Variants in GYG1 observed in about 807,000 individuals in gnomAD.
GYG1 encodes glycogenin 1.
A neutral mutation model predicts 41.9 loss-of-function variants in GYG1; 44 were observed. The ratio of observed to expected loss-of-function variants is 1.05; its 90% CI spans 0.83 to 1.35. GYG1 has a LOEUF of 1.35. GYG1 is among the 40% of genes most tolerant of loss of function. GYG1 has a pLI of 0.00. For missense variants in GYG1, 429 were observed against 418.9 expected, an observed-to-expected ratio of 1.02 and a Z score of -0.21; for synonymous variants, 141 against 158.1, an observed-to-expected ratio of 0.89 and a Z score of 0.81.
intron 5 of GYG1, among the ~76,000 whole-genome samples, chr3:149,022,728 T>TC (rs760592853): frequency 1.3e-5 from 2 of 151,852 alleles, no homozygotes; most frequent in African/African-American, 4.8e-5. Context: ...TCTCCTGACC[T>TC]CGTGATTTGC....
chr3:148,995,438 G>A (rs775001156), intron 2 of GYG1, among the ~76,000 whole-genome samples: 8 of 152,058 alleles, frequency 5.3e-5, no homozygotes, highest in African/African-American at 1.2e-4. Context: ...GTATACATAC[G>A]TATATCTTTC....
chr3:149,003,275 G>A (rs769281035), intron 4 of GYG1, among the ~76,000 whole-genome samples: 62 of 151,798 alleles, frequency 4.1e-4, no homozygotes, highest in Non-Finnish European at 7.7e-4. Flanking sequence ...GCCACCATGC[G>A]CAGCTAATTT....
At position 149,003,808 on chromosome 3, in the gene GYG1, C is replaced by T. The variant is rs200354383; in HGVS notation, c.482-5468C>T. The T allele has an allele frequency of 2.6e-5, 4 of 152,348 alleles. No individual in the cohort carries two copies. The East Asian group carries it at 5.8e-4, about 22-fold the overall frequency. The allele number at this position is 152,348 out of a possible 1,614,324, so 9.4% of individuals were successfully genotyped here. A position where few individuals can be genotyped will look rare whatever the true frequency, so the allele number is the denominator to read the frequency against. ...TTGGCTGAGATGCTGGGGCTCATGTCTAAACCAGAATTAACTCACTGCCCT... is the reference window on the plus strand; with the variant it reads ...TTGGCTGAGATGCTGGGGCTCATGTTTAAACCAGAATTAACTCACTGCCCT... On this transcript the variant is annotated intron_variant, in intron 4 of 7. Coordinates refer to ENST00000345003, the MANE Select transcript of GYG1 (RefSeq NM_004130.4).
At chr3:149,002,008 C>G (rs1439591560) in intron 4 of GYG1, among the ~76,000 whole-genome samples, 1 of 152,114 alleles carries the variant, frequency 6.6e-6, no homozygotes, top group Non-Finnish European at 1.5e-5. Flanking sequence ...CTGTTCCTCC[C>G]CTCTGATCCA....
Position 149,028,151 on chromosome 3 carries a change from A to G in GYG1, c.*1218A>G, listed in dbSNP as rs1218734781. Among the ~76,000 whole-genome samples, 4 of 152,194 alleles carry G rather than the reference A, an allele frequency of 2.6e-5. No homozygotes were observed. Among genetic ancestry groups the G allele is most frequent in the Non-Finnish European group, 5.9e-5 (4 of 68,042 alleles). ...AACAGGACAGTTAACCATGACAGGA[A>G]GAAACTTTAGAGGTTTGATTGGGCA... On this transcript the variant is annotated 3_prime_UTR_variant, in exon 8 of 8. Transcript: ENST00000345003.
intron 5 of GYG1, among the ~76,000 whole-genome samples, chr3:149,022,405 G>A (rs1387098841): frequency 6.6e-6 from 1 of 151,268 alleles, no homozygotes; most frequent in Non-Finnish European, 1.5e-5. Context: ...CCCAATCATA[G>A]CTTCGCCTTT....
intron 5 of GYG1, among the ~76,000 whole-genome samples, chr3:149,013,782 C>T (rs375485627): frequency 2.7e-4 from 41 of 152,046 alleles, no homozygotes; most frequent in African/African-American, 8.7e-4. Context: ...TATTTTTCTT[C>T]GCTCCCTGAG....
In GYG1 at chr3:149,030,639, C is replaced by A. The variant is rs926295279; in HGVS notation, c.*3706C>A. On this transcript the variant is annotated 3_prime_UTR_variant, in exon 8 of 8. Transcript: ENST00000345003. ...TCAACTTGATTTTTTGTGTGTAATG[C>A]TTGATCTACCAGGTAACTTCCCAAC... 1.3e-5 allele frequency: 2 copies of A among 152,142 alleles called. No individual in the cohort carries two copies. Among genetic ancestry groups the A allele is most frequent in the Non-Finnish European group, 2.9e-5 (2 of 68,012 alleles). 9.4% of individuals were successfully genotyped at this position (152,142 alleles called of 1,614,324 possible). A position where few individuals can be genotyped will look rare whatever the true frequency, so the allele number is the denominator to read the frequency against.
chr3:149,024,239 C>A lies in GYG1; in HGVS notation c.795C>A (p.Gly265=). The stretch of plus-strand genomic sequence containing the variant: ...TTTTACCTCTGCTTCAACAATTTGG[C>A]CTTGTCAAAGACACCTGCTCATATG... ...TNVLPLLQQF[G]LVKDTCSYVN... The change falls in exon 6 of 8, where the codon GGC becomes GGA. Residue 265 remains glycine, a synonymous_variant. Coordinates refer to ENST00000345003, the MANE Select transcript of GYG1 (RefSeq NM_004130.4). 4.3e-6 allele frequency: 7 copies of A among 1,612,590 alleles called. No homozygotes were observed. Among genetic ancestry groups the A allele is most frequent in the Non-Finnish European group, 5.9e-6 (7 of 1,178,590 alleles).
In GYG1 at chr3:149,027,307, G is replaced by A. The variant is rs1356955842; in HGVS notation, c.*374G>A. ...GAAGCAGACATGGCATCTGTTCCTT[G>A]CTTGCTTGTTGGTTGTGTACCTTTC... is the stretch of plus-strand genomic sequence containing the variant. On this transcript the variant is annotated 3_prime_UTR_variant, in exon 8 of 8. Coordinates refer to ENST00000345003, the MANE Select transcript of GYG1 (RefSeq NM_004130.4). 1.4e-5 allele frequency: 4 copies of A among 282,472 alleles called. No homozygotes were observed. Among genetic ancestry groups the A allele is most frequent in the Non-Finnish European group, 2.1e-5 (3 of 146,084 alleles). The allele number at this position is 282,472 out of a possible 1,614,324, so 17.5% of individuals were successfully genotyped here.
At chr3:149,018,661 TGACTTATCCAG>T (rs1036705497) in intron 5 of GYG1, among the ~76,000 whole-genome samples, 69 of 152,168 alleles carry the variant, frequency 4.5e-4, no homozygotes, top group Non-Finnish European at 7.8e-4. Context: ...CCGTGTTCAG[TGACTTATCCAG>T]GCCTGCTCTT....
intron 4 of GYG1, among the ~76,000 whole-genome samples, chr3:149,005,601 C>G (rs1429825164): frequency 6.6e-6 from 1 of 151,994 alleles, no homozygotes; most frequent in Non-Finnish European, 1.5e-5. Context: ...CTTCAAGATT[C>G]TTGCATTCAT....
intron 4 of GYG1, among the ~76,000 whole-genome samples, chr3:148,999,406 T>A (rs988288175): frequency 3.9e-5 from 6 of 152,236 alleles, no homozygotes; most frequent in African/African-American, 1.4e-4. Flanking sequence ...GTTCTCAATA[T>A]GTTGTTTAAA....
Position 149,031,609 on chromosome 3 carries a change from A to G in GYG1, c.*4676A>G, listed in dbSNP as rs1002309233. 5 of 152,314 alleles carry G rather than the reference A, an allele frequency of 3.3e-5. No individual in the cohort carries two copies. The highest frequency in any genetic ancestry group is 1.2e-4 in the African/African-American group (5 of 41,414). 9.4% of individuals were successfully genotyped at this position (152,314 alleles called of 1,614,324 possible). On this transcript the variant is annotated 3_prime_UTR_variant, in exon 8 of 8. Transcript: ENST00000345003. The stretch of plus-strand genomic sequence containing the variant: ...AAATAGTACTCTTAACATAATCCCT[A>G]ATTTTTTCATGAACATAAAACTCCA...
rs71617496 is a variant in GYG1 at position 149,028,705 on chromosome 3, A to ATTTTTTTTTTTTTT, written c.*1782_*1795dup. 6.0e-5 allele frequency among the ~76,000 whole-genome samples: 8 copies of ATTTTTTTTTTTTTT among 133,718 alleles called. No individual in the cohort carries two copies. Among genetic ancestry groups the ATTTTTTTTTTTTTT allele is most frequent in the Non-Finnish European group, 7.9e-5 (5 of 63,392 alleles). The allele number at this position is 133,718 out of a possible 152,430, so 87.7% of individuals were successfully genotyped here. On this transcript the variant is annotated 3_prime_UTR_variant, in exon 8 of 8. Coordinates refer to ENST00000345003, the MANE Select transcript of GYG1 (RefSeq NM_004130.4). ...GGTGGAAAAGCTGACATAGTTTTAAATTTTTTTTTTTTTTTTTTTTTTTCT... is the reference window on the plus strand; with the variant it reads ...GGTGGAAAAGCTGACATAGTTTTAAATTTTTTTTTTTTTTTTTTTTTTTTTTTTTTTTTTTTTCT...
chr3:148,992,735 C>T (rs1490080318), intron 1 of GYG1: 4 of 152,200 alleles, frequency 2.6e-5, no homozygotes, highest in Non-Finnish European at 5.9e-5. Context: ...ATGGGCCTGT[C>T]AAGGGACAGG....
rs1475336406 is a variant in GYG1 at position 149,026,469 on chromosome 3, T to C, written c.846T>C (p.Tyr282=). 1 of 1,606,228 alleles carries C rather than the reference T, an allele frequency of 6.2e-7. No individual in the cohort carries two copies. Among genetic ancestry groups the C allele is most frequent in the East Asian group, 2.2e-5 (1 of 44,834 alleles). ...GTTTGCAGCTTTCAGACTTGGTCTA[T>C]ACACTGGCTTTCTCTTGTGGCTTCT... The part of the protein sequence containing the change: ...SYVNVLSDLV[Y]TLAFSCGFCR... Residue 282 remains tyrosine, a synonymous_variant, in exon 7 of 8, where the codon TAT becomes TAC. Transcript: ENST00000345003.
chr3:148,991,701 G>A, intron 1 of GYG1, 54 bp downstream of exon 1: 2 of 1,366,486 alleles, frequency 1.5e-6, no homozygotes, highest in African/African-American at 1.5e-5. Flanking sequence ...TTCCTGCCCA[G>A]CCGCCGCCTC....
Position 149,029,582 on chromosome 3 carries a change from G to C in GYG1, c.*2649G>C, listed in dbSNP as rs559174024. Among the ~76,000 whole-genome samples the C allele has an allele frequency of 6.6e-6, 1 of 152,322 alleles. No individual in the cohort carries two copies. The highest frequency in any genetic ancestry group is 2.4e-5 in the African/African-American group (1 of 41,578). On this transcript the variant is annotated 3_prime_UTR_variant, in exon 8 of 8. Transcript: ENST00000345003. ...TTAAACATTTGAGTTTTTGTTAAGAGCCAAACATCAAATGTGCCCTTATAT... is the reference window on the plus strand; with the variant it reads ...TTAAACATTTGAGTTTTTGTTAAGACCCAAACATCAAATGTGCCCTTATAT...
Sources: gnomAD v4.1 joint callset for allele counts (sites outside exome capture counted in the v4.1 genomes callset) on GRCh38, gnomAD v4.1.1 for gene constraint, MANE v1.5 for transcripts, NCBI Gene and HGNC (gene_info 2026-07-23, HGNC 2026-07-21) for gene names.